The following CNOT7 variants were observed in gnomAD, a reference collection of about 807,000 sequenced individuals.
CNOT7 encodes BTG1-binding factor 1.
Under a neutral mutation model 37.1 loss-of-function variants are expected in CNOT7, and 4 were observed. The observed-to-expected ratio is 0.11, with a 90% CI of 0.05 to 0.25. CNOT7 has a LOEUF of 0.25. Among genes scored for constraint, CNOT7 ranks in the 10% least tolerant of loss-of-function variants. The pLI is 1.00. For synonymous variants in CNOT7, 128 were observed against 115.6 expected, an observed-to-expected ratio of 1.11 and a Z score of -0.69; for missense variants, 170 against 336.2, an observed-to-expected ratio of 0.51 and a Z score of 3.87.
rs748857906 is a variant in CNOT7 at position 17,234,773 on chromosome 8, C to T, written c.561G>A (p.Leu187=). Residue 187 remains leucine, a synonymous_variant, in exon 5 of 7, where the codon TTG becomes TTA. Transcript: ENST00000361272. ...EELDFFEILR[L]FFPVIYDVKY... Reference sequence around the variant, plus strand: ...TCACATCATAAATGACAGGAAAAAACAATCGAAGGATCTCAAAGAAGTCAA... The same window carrying T: ...TCACATCATAAATGACAGGAAAAAATAATCGAAGGATCTCAAAGAAGTCAA... 2.5e-6 allele frequency: 4 copies of T among 1,613,836 alleles called. No homozygotes were observed.
intron 2 of CNOT7, chr8:17,244,743 C>A: frequency 3.7e-6 from 1 of 272,522 alleles, no homozygotes; most frequent in Non-Finnish European, 7.0e-6. Context: ...CTTCCCTTAC[C>A]TTCCCCTAAG....
chr8:17,230,130 CTTTT>C lies in CNOT7; in HGVS notation c.*586_*589del, dbSNP rs1205596563. 5 of 152,392 alleles carry C rather than the reference CTTTT, an allele frequency of 3.3e-5. No homozygotes were observed. The highest frequency in any genetic ancestry group is 4.8e-5 in the African/African-American group (2 of 41,414). The allele number at this position is 152,392 out of a possible 1,614,324, so 9.4% of individuals were successfully genotyped here. A position where few individuals can be genotyped will look rare whatever the true frequency, so the allele number is the denominator to read the frequency against. ...ACTAAGCTCCTCAGTAGTTTCTTGT[CTTTT>C]TTAAGTTTCGCTGAATCGACAGTTT... is the stretch of plus-strand genomic sequence containing the variant. On this transcript the variant is annotated 3_prime_UTR_variant, in exon 7 of 7. Coordinates refer to ENST00000361272, the MANE Select transcript of CNOT7 (RefSeq NM_013354.7).
intron 6 of CNOT7, chr8:17,231,872 T>G: frequency 1.0e-6 from 1 of 985,930 alleles, no homozygotes; most frequent in Non-Finnish European, 1.2e-6. Context: ...TACGTTGGAT[T>G]TATTTGATCC....
intron 3 of CNOT7, chr8:17,241,551 T>C (rs1246444595): frequency 6.6e-6 from 1 of 152,212 alleles, no homozygotes; most frequent in African/African-American, 2.4e-5. Context: ...AAGAAAGAAT[T>C]CATACATTGG....
chr8:17,236,769 A>T (rs750802876), intron 4 of CNOT7, among the ~76,000 whole-genome samples: 2 of 152,206 alleles, frequency 1.3e-5, no homozygotes, highest in Non-Finnish European at 2.9e-5. Context: ...AATAATTTTC[A>T]TCTGTTTTAT....
chr8:17,245,627 C>A (rs951349395), intron 1 of CNOT7, among the ~76,000 whole-genome samples: 1 of 152,090 alleles, frequency 6.6e-6, no homozygotes. Context: ...GTTACCATGG[C>A]AAAGATGGTG....
At chr8:17,240,605 T>G (rs970854535) in intron 3 of CNOT7, among the ~76,000 whole-genome samples, 2 of 152,140 alleles carry the variant, frequency 1.3e-5, no homozygotes, top group Non-Finnish European at 2.9e-5. Flanking sequence ...AACTGTCAAT[T>G]TTATCCAAAC....
rs1470333420 is a variant in CNOT7, at chr8:17,226,523, A to T, written c.*4197T>A. On this transcript the variant is annotated 3_prime_UTR_variant, in exon 7 of 7. Transcript: ENST00000361272. ...TGCCCTTTAGCATGTCATTCATTCA[A>T]GATGATTCATTTCCAACAGAAGATT... 4 of 151,704 alleles carry T rather than the reference A, an allele frequency of 2.6e-5. 1 individual carries two copies. Among genetic ancestry groups the T allele is most frequent in the South Asian group, 4.1e-4 (2 of 4,824 alleles). The allele number at this position is 151,704 out of a possible 1,614,324, so 9.4% of individuals were successfully genotyped here. A position where few individuals can be genotyped will look rare whatever the true frequency, so the allele number is the denominator to read the frequency against.
In CNOT7 at chr8:17,226,780, T is replaced by C. The variant is rs936695158; in HGVS notation, c.*3940A>G. ...ATGAATTTACCATATTATGTTGTTG[T>C]ACCTTGTAATTTCAGGTCAAATTCA... On this transcript the variant is annotated 3_prime_UTR_variant, in exon 7 of 7. Coordinates refer to ENST00000361272, the MANE Select transcript of CNOT7 (RefSeq NM_013354.7). 5 of 151,748 alleles carry C rather than the reference T, an allele frequency of 3.3e-5. No individual in the cohort carries two copies. The highest frequency in any genetic ancestry group is 9.7e-5 in the African/African-American group (4 of 41,394). The allele number at this position is 151,748 out of a possible 1,614,324, so 9.4% of individuals were successfully genotyped here.
At position 17,239,629 on chromosome 8, in the gene CNOT7, C is replaced by T. The variant is rs376728708; in HGVS notation, c.312-2256G>A. Among the ~76,000 whole-genome samples the T allele has an allele frequency of 4.7e-4, 72 of 152,196 alleles. No homozygotes were observed. The East Asian group carries it at 8.9e-3, about 19-fold the overall frequency. ...GCCTCAGCCTCCCGAGTAGCTGGGA[C>T]TACAGGTGCTCACCACCACACCCAG... On this transcript the variant is annotated intron_variant, in intron 3 of 6. Transcript: ENST00000361272.
rs1199187510 is a variant in CNOT7, at chr8:17,234,785, C to A, written c.549G>T (p.Glu183Asp). ...TGACAGGAAAAAACAATCGAAGGAT[C>A]TCAAAGAAGTCAAGTTCTTCTTCAG... Reference protein sequence around the residue: ...NLPEEELDFFEILRLFFPVIY... With the variant: ...NLPEEELDFFDILRLFFPVIY... Residue 183 changes from glutamate to aspartate, a missense_variant, in exon 5 of 7, where the codon GAG (glutamate) becomes GAT (aspartate). Transcript: ENST00000361272. The A allele has an allele frequency of 6.2e-7, 1 of 1,613,804 alleles. No individual in the cohort carries two copies. Among genetic ancestry groups the A allele is most frequent in the African/African-American group, 1.3e-5 (1 of 74,860 alleles).
chr8:17,234,625 T>C (rs1332388099), intron 5 of CNOT7, 91 bp downstream of exon 5: 1 of 1,322,882 alleles, frequency 7.6e-7, no homozygotes, highest in African/African-American at 1.5e-5. Context: ...CTTTAAAATA[T>C]GGTTTAAAAC....
At chr8:17,243,483 C>A (rs1023675485) in intron 2 of CNOT7, 26 of 527,694 alleles carry the variant, frequency 4.9e-5, no homozygotes, top group Admixed American at 8.9e-5. Flanking sequence ...ATTCCTGTCT[C>A]CCAAAGGATA....
At chr8:17,231,175 A>G (rs1808552943) in intron 6 of CNOT7, among the ~76,000 whole-genome samples, 1 of 152,118 alleles carries the variant, frequency 6.6e-6, no homozygotes, top group East Asian at 1.9e-4. Flanking sequence ...AAGAAAGCCA[A>G]TGATGGTGGG....
intron 3 of CNOT7, among the ~76,000 whole-genome samples, chr8:17,238,674 C>T (rs905832523): frequency 6.6e-6 from 1 of 152,216 alleles, no homozygotes; most frequent in Non-Finnish European, 1.5e-5. Flanking sequence ...TCCAGGTGCA[C>T]ATCATTCTTG....
At position 17,230,695 on chromosome 8, in the gene CNOT7, A is replaced by G. The variant is rs1191391383; in HGVS notation, c.*25T>C. 4.4e-6 allele frequency: 7 copies of G among 1,587,932 alleles called. No homozygotes were observed. Among genetic ancestry groups the G allele is most frequent in the Non-Finnish European group, 5.1e-6 (6 of 1,169,710 alleles). On this transcript the variant is annotated 3_prime_UTR_variant, in exon 7 of 7. Coordinates refer to ENST00000361272, the MANE Select transcript of CNOT7 (RefSeq NM_013354.7). ...TATACAAGCATGTGTGTAGCTCGAA[A>G]TAAAAATAAAAGGACTATTTCATGT... is the stretch of plus-strand genomic sequence containing the variant.
Position 17,243,009 on chromosome 8 carries a change from A to G in CNOT7, c.294T>C (p.Asn98=), listed in dbSNP as rs1810402984. Residue 98 remains asparagine (N), a synonymous_variant, in exon 3 of 7, where the codon AAT becomes AAC. Coordinates refer to ENST00000361272, the MANE Select transcript of CNOT7 (RefSeq NM_013354.7). ...YPPGTSTWQF[N]FKFNLTEDMY... Reference sequence around the variant, plus strand: ...CCACTTACGTCAAATTAAATTTAAAATTAAACTGCCAAGTTGAAGTTCCTG... The same window carrying G: ...CCACTTACGTCAAATTAAATTTAAAGTTAAACTGCCAAGTTGAAGTTCCTG... The G allele has an allele frequency of 1.9e-6, 3 of 1,599,750 alleles. No homozygotes were observed. Among genetic ancestry groups the G allele is most frequent in the Admixed American group, 1.8e-5 (1 of 56,944 alleles).
At chr8:17,233,806 G>C (rs1370242246) in intron 5 of CNOT7, among the ~76,000 whole-genome samples, 1 of 152,130 alleles carries the variant, frequency 6.6e-6, no homozygotes, top group Admixed American at 6.5e-5. Flanking sequence ...TGTATTAAAG[G>C]TAAACACTGG....
rs916068143 is a variant in CNOT7 at position 17,227,664 on chromosome 8, G to A, written c.*3056C>T. 1.3e-5 allele frequency: 2 copies of A among 151,824 alleles called. No individual in the cohort carries two copies. The highest frequency in any genetic ancestry group is 4.8e-5 in the African/African-American group (2 of 41,400). 9.4% of individuals were successfully genotyped at this position (151,824 alleles called of 1,614,324 possible). ...TTTAAATTTTCTAATTCTTCTGACTGTTGCTTTCCCACCAGTTGGGAATAT... is the reference window on the plus strand; with the variant it reads ...TTTAAATTTTCTAATTCTTCTGACTATTGCTTTCCCACCAGTTGGGAATAT... On this transcript the variant is annotated 3_prime_UTR_variant, in exon 7 of 7. Coordinates refer to ENST00000361272, the MANE Select transcript of CNOT7 (RefSeq NM_013354.7).
Sources: allele counts gnomAD v4.1 joint callset (sites outside exome capture counted in the v4.1 genomes callset), GRCh38; gene constraint gnomAD v4.1.1; transcripts MANE v1.5; gene names NCBI Gene and HGNC (gene_info 2026-07-23, HGNC 2026-07-21).